MEIKIN: variants seen among roughly 807,000 people sequenced by gnomAD.
MEIKIN encodes meiotic kinetochore factor.
chr5:131,876,173 C>T (rs1750609293), intron 9 of MEIKIN, among the ~76,000 whole-genome samples: 1 of 152,104 alleles, frequency 6.6e-6, no homozygotes, highest in Non-Finnish European at 1.5e-5. Context: ...AGAGATTCGG[C>T]ACAGCAAAAG....
At chr5:131,917,010 A>G (rs1239315627) in intron 6 of MEIKIN, 85 bp from the exon 7 acceptor site, 19 of 388,804 alleles carry the variant, frequency 4.9e-5, no homozygotes, top group Middle Eastern at 1.3e-3. Context: ...CCCCAAGTGC[A>G]GTTCATTTTT....
chr5:131,866,306 T>C (rs1396836566), intron 9 of MEIKIN, among the ~76,000 whole-genome samples: 1 of 152,196 alleles, frequency 6.6e-6, no homozygotes, highest in African/African-American at 2.4e-5. Flanking sequence ...ACCAATGGTG[T>C]ACCGGGCTGG....
At chr5:131,867,160 T>C (rs781273366) in intron 9 of MEIKIN, among the ~76,000 whole-genome samples, 2 of 152,308 alleles carry the variant, frequency 1.3e-5, no homozygotes, top group South Asian at 2.1e-4. Context: ...AAGTCACCAG[T>C]TTCCTTCATG....
chr5:131,846,324 G>A (rs1750022538), intron 11 of MEIKIN, among the ~76,000 whole-genome samples: 1 of 152,130 alleles, frequency 6.6e-6, no homozygotes, highest in African/African-American at 2.4e-5. Context: ...CCTTGAAGTT[G>A]TATGAAGAAA....
chr5:131,813,761 A>G lies in MEIKIN; in HGVS notation c.1099+4979T>C, dbSNP rs190065931. On this transcript the variant is annotated intron_variant, in intron 12 of 12. Coordinates refer to ENST00000442687, the MANE Select transcript of MEIKIN (RefSeq NM_001303622.2). ...CTGTATTCTAGAGTGGTAGCCAATGATTTGGCTGTATGGTCAGGGACTTGG... is the reference window on the plus strand; with the variant it reads ...CTGTATTCTAGAGTGGTAGCCAATGGTTTGGCTGTATGGTCAGGGACTTGG... Among the ~76,000 whole-genome samples, 482 of 152,242 alleles carry G rather than the reference A, an allele frequency of 3.2e-3. 3 individuals are homozygous for G. Among genetic ancestry groups the G allele is most frequent in the African/African-American group, 0.011 (459 of 41,554 alleles).
Position 131,945,269 on chromosome 5 carries a change from T to C in MEIKIN, c.107-20A>G, listed in dbSNP as rs1176172018. 5.0e-6 allele frequency: 2 copies of C among 399,008 alleles called. No individual in the cohort carries two copies. The highest frequency in any genetic ancestry group is 8.8e-5 in the Admixed American group (2 of 22,722). 24.7% of individuals were successfully genotyped at this position (399,008 alleles called of 1,614,324 possible). On this transcript the variant is annotated intron_variant, in intron 1 of 12. Transcript: ENST00000442687. The stretch of plus-strand genomic sequence containing the variant: ...TCGAACCTGAGAGAGGGCGGCACGT[T>C]TCAGGGCAAGAAACCTACCCACCGG...
At chr5:131,907,126 A>T (rs1751255341) in intron 8 of MEIKIN, among the ~76,000 whole-genome samples, 1 of 152,222 alleles carries the variant, frequency 6.6e-6, no homozygotes. Context: ...GAAACTGAAA[A>T]TATTCTTGAA....
At chr5:131,894,273 C>A (rs902565098) in intron 8 of MEIKIN, among the ~76,000 whole-genome samples, 1 of 152,182 alleles carries the variant, frequency 6.6e-6, no homozygotes, top group African/African-American at 2.4e-5. Context: ...TGTTTTGGTA[C>A]CAGTACCACA....
At chr5:131,913,534 G>C (rs780065381) in intron 7 of MEIKIN, among the ~76,000 whole-genome samples, 1 of 152,078 alleles carries the variant, frequency 6.6e-6, no homozygotes, top group South Asian at 2.1e-4. Flanking sequence ...AAGACTCCTC[G>C]CTCCATGTGA....
chr5:131,882,553 T>C (rs1432570103), intron 8 of MEIKIN, among the ~76,000 whole-genome samples: 3 of 152,170 alleles, frequency 2.0e-5, no homozygotes, highest in Non-Finnish European at 4.4e-5. Flanking sequence ...TACCGACCTA[T>C]GGGGCTATTT....
chr5:131,936,196 G>A (rs1275337193), intron 4 of MEIKIN, among the ~76,000 whole-genome samples: 1 of 152,214 alleles, frequency 6.6e-6, no homozygotes, highest in African/African-American at 2.4e-5. Context: ...CTGTCCTGGT[G>A]TCACAAGTTA....
chr5:131,821,783 C>G (rs1170338249), intron 11 of MEIKIN, among the ~76,000 whole-genome samples: 3 of 151,740 alleles, frequency 2.0e-5, no homozygotes, highest in Non-Finnish European at 4.4e-5. Context: ...ATAGCTGGTG[C>G]CACTATGCCT....
chr5:131,816,399 G>A (rs1224194919), intron 12 of MEIKIN, among the ~76,000 whole-genome samples: 1 of 152,156 alleles, frequency 6.6e-6, no homozygotes, highest in Non-Finnish European at 1.5e-5. Flanking sequence ...GATAATATAG[G>A]TAGGCCTCAT....
rs971273439 is a variant in MEIKIN, at chr5:131,888,866, C to A, written c.704-9818G>T. 3.9e-5 allele frequency among the ~76,000 whole-genome samples: 6 copies of A among 152,120 alleles called. No homozygotes were observed. In the South Asian group the frequency reaches 1.0e-3, roughly 26 times the overall value. On this transcript the variant is annotated intron_variant, in intron 8 of 12. Transcript: ENST00000442687. ...TAGGTCTAACATGTAAGTCTTTAAT[C>A]CATCTTGAATTAATTTTTGTATAAG...
intron 11 of MEIKIN, among the ~76,000 whole-genome samples, chr5:131,821,821 C>T (rs1749512327): frequency 6.6e-6 from 1 of 151,648 alleles, no homozygotes; most frequent in African/African-American, 2.4e-5. Context: ...CATGGGGTCT[C>T]ACTTTGTTAC....
intron 8 of MEIKIN, among the ~76,000 whole-genome samples, chr5:131,907,052 C>G (rs1751254473): frequency 6.6e-6 from 1 of 151,982 alleles, no homozygotes; most frequent in Non-Finnish European, 1.5e-5. Context: ...TGGAAACTAA[C>G]AAACACATGA....
intron 12 of MEIKIN, among the ~76,000 whole-genome samples, chr5:131,816,012 A>G (rs1300742347): frequency 6.6e-6 from 1 of 152,254 alleles, no homozygotes; most frequent in Admixed American, 6.5e-5. Flanking sequence ...TATTAATAAT[A>G]GTTAACTTTA....
intron 11 of MEIKIN, among the ~76,000 whole-genome samples, chr5:131,828,903 AC>A (rs1561724657): frequency 2.0e-5 from 3 of 152,232 alleles, no homozygotes; most frequent in African/African-American, 7.2e-5. Flanking sequence ...ATTTAAAACT[AC>A]ATAAACCCAA....
chr5:131,897,006 T>C (rs189231391), intron 8 of MEIKIN, among the ~76,000 whole-genome samples: 258 of 152,370 alleles, frequency 1.7e-3, no homozygotes, highest in Admixed American at 3.5e-3. Context: ...GGCATGTTTT[T>C]GCAGTGGCTG....
Sources: allele counts gnomAD v4.1 joint callset (sites outside exome capture counted in the v4.1 genomes callset), GRCh38; gene constraint gnomAD v4.1.1; transcripts MANE v1.5; gene names NCBI Gene and HGNC (gene_info 2026-07-23, HGNC 2026-07-21).